The following NRBP1 variants were observed in gnomAD, a reference collection of about 807,000 sequenced individuals.
NRBP1 encodes nuclear receptor-binding protein.
NRBP1 carries 10 observed loss-of-function variants against 76.0 expected under a neutral mutation model. That is an observed-to-expected ratio of 0.13 (90% CI 0.08 to 0.22). The LOEUF is 0.22. Among genes scored for constraint, NRBP1 ranks in the 10% least tolerant of loss-of-function variants. The pLI, the probability that NRBP1 is intolerant of heterozygous loss-of-function variation, is 1.00. For synonymous variants in NRBP1, 235 were observed against 240.2 expected (o/e 0.98, Z 0.20); for missense variants, 344 against 646.0 (o/e 0.53, Z 5.07).
chr2:27,440,591 G>A, intron 12 of NRBP1, 61 bp from the exon 13 acceptor site: 1 of 1,608,242 alleles, frequency 6.2e-7, no homozygotes, highest in Non-Finnish European at 8.5e-7. Context: ...CTCTGGGAAT[G>A]CTTGAATTTG....
chr2:27,428,544 C>T, upstream of NRBP1: 1 of 396,586 alleles, frequency 2.5e-6, no homozygotes, highest in Non-Finnish European at 4.4e-6. Context: ...GCCCCGCCCA[C>T]CCAGAACGTC....
At position 27,441,348 on chromosome 2, in the gene NRBP1, C is replaced by CTCAGAGGA. The variant is rs756307904; in HGVS notation, c.1447+20_1447+27dup. On this transcript the variant is annotated intron_variant, in intron 16 of 17. Coordinates refer to ENST00000379852, the MANE Select transcript of NRBP1 (RefSeq NM_013392.4). ...GATGCCAAGTGAGTCTCTCCTTTCC[C>CTCAGAGGA]TCAGAGGATGGAGAGTCTATGAGCC... 1.4e-5 allele frequency: 22 copies of CTCAGAGGA among 1,612,470 alleles called. 1 individual carries two copies. In the South Asian group the frequency reaches 2.1e-4, roughly 15 times the overall value.
chr2:27,440,646 G>A lies in NRBP1; in HGVS notation c.1143-6G>A, dbSNP rs371084986. The A allele has an allele frequency of 7.1e-5, 114 of 1,613,910 alleles. No individual in the cohort carries two copies. The Middle Eastern group carries it at 1.3e-3, about 19-fold the overall frequency. On this transcript the variant is annotated splice_region_variant and splice_polypyrimidine_tract_variant and intron_variant, in intron 12 of 17. Coordinates refer to ENST00000379852, the MANE Select transcript of NRBP1 (RefSeq NM_013392.4). The stretch of plus-strand genomic sequence containing the variant: ...CCTTCCATCTCCTTTCTCTTTTCTC[G>A]TCCAGGTACTCTCAGTCACCAGCTC...
chr2:27,434,746 A>G lies in NRBP1; in HGVS notation c.550A>G (p.Ile184Val). The G allele has an allele frequency of 6.2e-7, 1 of 1,614,128 alleles. No individual in the cohort carries two copies. ...EKAWKRWCTQILSALSYLHSC... is the reference protein window; with the variant it reads ...EKAWKRWCTQVLSALSYLHSC... Reference sequence around the variant, plus strand: ...GGCATGGAAGCGTTGGTGCACACAAATCCTCTCTGCCCTAAGGTAAGTAGT... The same window carrying G: ...GGCATGGAAGCGTTGGTGCACACAAGTCCTCTCTGCCCTAAGGTAAGTAGT... The change falls in exon 6 of 18, where the codon ATC becomes GTC. Residue 184 changes from isoleucine to valine, a missense_variant. Ile to Val is a conservative substitution (Grantham distance 29). Transcript: ENST00000379852.
chr2:27,434,824 T>C (rs981143353), intron 6 of NRBP1, 62 bp downstream of exon 6: 41 of 1,486,842 alleles, frequency 2.8e-5, no homozygotes, highest in Non-Finnish European at 3.9e-5. Flanking sequence ...CAAACAGATT[T>C]CAGGGCACTA....
chr2:27,430,129 G>A (rs1393753050), intron 1 of NRBP1, among the ~76,000 whole-genome samples: 1 of 152,198 alleles, frequency 6.6e-6, no homozygotes, highest in Non-Finnish European at 1.5e-5. Context: ...AGCCTCCTAA[G>A]TAGCTGGGAT....
At position 27,433,801 on chromosome 2, in the gene NRBP1, T is replaced by C. The variant is rs1251616526; in HGVS notation, c.333+6T>C. ...AGAACTACAAGCTGCAGGAGGTAGGTGATGCTGAAAAGGTGAAGCCTGGGG... is the reference window on the plus strand; with the variant it reads ...AGAACTACAAGCTGCAGGAGGTAGGCGATGCTGAAAAGGTGAAGCCTGGGG... On this transcript the variant is annotated splice_donor_region_variant and intron_variant, in intron 3 of 17. Coordinates refer to ENST00000379852, the MANE Select transcript of NRBP1 (RefSeq NM_013392.4). 6.2e-7 allele frequency: 1 copy of C among 1,614,030 alleles called. No individual in the cohort carries two copies. The highest frequency in any genetic ancestry group is 1.1e-5 in the South Asian group (1 of 91,068).
Position 27,439,849 on chromosome 2 carries a change from A to C in NRBP1, c.987A>C (p.Glu329Asp). 1 of 1,614,164 alleles carries C rather than the reference A, an allele frequency of 6.2e-7. No homozygotes were observed. The highest frequency in any genetic ancestry group is 8.5e-7 in the Non-Finnish European group (1 of 1,180,022). Residue 329 changes from glutamate (E) to aspartate (D), a missense_variant, in exon 11 of 18, where the codon GAA becomes GAC. By Grantham distance (45) the Glu-to-Asp change is conservative. Coordinates refer to ENST00000379852, the MANE Select transcript of NRBP1 (RefSeq NM_013392.4). The part of the protein sequence containing the change: ...RELLFHPALF[E>D]VPSLKLLAAH... ...TTCTGTTCCACCCAGCATTGTTTGAAGTGCCCTCGCTCAAACTCCTTGCGG... is the reference window on the plus strand; with the variant it reads ...TTCTGTTCCACCCAGCATTGTTTGACGTGCCCTCGCTCAAACTCCTTGCGG...
Position 27,433,749 on chromosome 2 carries a change from G to A in NRBP1, c.287G>A (p.Trp96Ter). The A allele has an allele frequency of 6.2e-7, 1 of 1,614,210 alleles. No homozygotes were observed. The highest frequency in any genetic ancestry group is 8.5e-7 in the Non-Finnish European group (1 of 1,180,046). Reference sequence around the variant, plus strand: ...ACAGAGGAAGGTGTAGAGGTTGTGTGGAATGAGGTACAGTTCTCTGAACGC... The same window carrying A: ...ACAGAGGAAGGTGTAGAGGTTGTGTAGAATGAGGTACAGTTCTCTGAACGC... Reference protein sequence around the residue: ...MDTEEGVEVVWNEVQFSERKN... With the variant: ...MDTEEGVEVV The change falls in exon 3 of 18, where the codon TGG becomes TAG. Residue 96 changes from tryptophan to a stop codon, truncating the protein, a stop_gained. Coordinates refer to ENST00000379852, the MANE Select transcript of NRBP1 (RefSeq NM_013392.4). LOFTEE classifies it high-confidence loss of function.
At chr2:27,439,395 G>A (rs373142409) in intron 10 of NRBP1, among the ~76,000 whole-genome samples, 1,732 of 150,530 alleles carry the variant, frequency 0.012, 14 homozygotes, top group South Asian at 0.036. Flanking sequence ...TGAGGCAGGA[G>A]AATGGCGTGA....
At chr2:27,433,915 G>A in intron 3 of NRBP1, 74 bp from the exon 4 acceptor site, 1 of 1,595,418 alleles carries the variant, frequency 6.3e-7, no homozygotes, top group Non-Finnish European at 8.6e-7. Context: ...TTCTGGGGAG[G>A]GATAGGGAAT....
At chr2:27,433,231 T>C in intron 1 of NRBP1, 23 bp from the exon 2 acceptor site, 1 of 1,529,468 alleles carries the variant, frequency 6.5e-7, no homozygotes, top group Non-Finnish European at 9.0e-7. Flanking sequence ...CTTTTCCCTC[T>C]GTATTTGCCC....
At position 27,433,319 on chromosome 2, in the gene NRBP1, C is replaced by T; in HGVS notation, c.46C>T (p.Pro16Ser). Residue 16 changes from proline (P) to serine (S), a missense_variant, in exon 2 of 18, where the codon CCA (proline) becomes TCA (serine). Pro to Ser is a moderately conservative substitution (Grantham distance 74). This residue lies in a region of NRBP1 where 53 missense variants were observed against 48.4 expected (regional missense o/e 1.09). Transcript: ENST00000379852. The part of the protein sequence containing the change: ...SQTVLSSGSD[P>S]KVESSSSAPG... Reference sequence around the variant, plus strand: ...GACAGTACTTAGCAGTGGCTCAGACCCAAAGGTAGAATCCTCATCTTCAGC... The same window carrying T: ...GACAGTACTTAGCAGTGGCTCAGACTCAAAGGTAGAATCCTCATCTTCAGC... The T allele has an allele frequency of 1.2e-6, 2 of 1,614,148 alleles. No homozygotes were observed. The highest frequency in any genetic ancestry group is 1.7e-6 in the Non-Finnish European group (2 of 1,180,032).
intron 8 of NRBP1, 77 bp from the exon 9 acceptor site, chr2:27,436,965 CTTTTT>C (rs561426797): frequency 1.1e-6 from 1 of 871,336 alleles, no homozygotes; most frequent in Non-Finnish European, 1.5e-6. Context: ...TTTTTCTTTT[CTTTTT>C]TTTTTTTCCT....
chr2:27,433,823 G>A (rs1664199934), intron 3 of NRBP1, 28 bp downstream of exon 3: 1 of 1,613,894 alleles, frequency 6.2e-7, no homozygotes, highest in Non-Finnish European at 8.5e-7. Context: ...GGTGAAGCCT[G>A]GGGAATGTTG....
chr2:27,430,445 T>A (rs1413482287), intron 1 of NRBP1, among the ~76,000 whole-genome samples: 3 of 150,508 alleles, frequency 2.0e-5, no homozygotes, highest in Non-Finnish European at 4.4e-5. Context: ...GGTATCAGTT[T>A]CTTTTTCTTT....
chr2:27,429,609 C>T (rs549728085), intron 1 of NRBP1, among the ~76,000 whole-genome samples: 1 of 152,302 alleles, frequency 6.6e-6, no homozygotes, highest in South Asian at 2.1e-4. Flanking sequence ...AGACAAAACT[C>T]CCAGTGTCGC....
At chr2:27,436,730 G>A (rs754514049) in intron 7 of NRBP1, 23 bp from the exon 8 acceptor site, 8 of 1,594,718 alleles carry the variant, frequency 5.0e-6, no homozygotes, top group Non-Finnish European at 6.9e-6. Context: ...TGGTCAGATT[G>A]TGGGTGTCTC....
chr2:27,441,327 C>G lies in NRBP1; in HGVS notation c.1444C>G (p.Pro482Ala), dbSNP rs765694579. 7 of 1,613,790 alleles carry G rather than the reference C, an allele frequency of 4.3e-6. No homozygotes were observed. Among genetic ancestry groups the G allele is most frequent in the Non-Finnish European group, 5.9e-6 (7 of 1,179,720 alleles). Residue 482 changes from proline (P) to alanine (A), a missense_variant, in exon 16 of 18, where the codon CCA becomes GCA. Physicochemically the swap from Pro to Ala is conservative, Grantham distance 27. This residue lies in a region of NRBP1 where 218 missense variants were observed against 309.8 expected (regional missense o/e 0.70). Transcript: ENST00000379852. Reference protein sequence around the residue: ...LNRHLSCDLMPNENIPELAAE... With the variant: ...LNRHLSCDLMANENIPELAAE... ...CCGGCACCTGAGCTGTGACCTGATG[C>G]CAAGTGAGTCTCTCCTTTCCCTCAG...
Sources: gnomAD v4.1 joint callset for allele counts (sites outside exome capture counted in the v4.1 genomes callset) on GRCh38, gnomAD v4.1.1 for gene constraint, gnomAD v4.1.1 regional missense constraint, MANE v1.5 for transcripts, NCBI Gene and HGNC (gene_info 2026-07-23, HGNC 2026-07-21) for gene names.